CAPN14: variants seen among roughly 807,000 people sequenced by gnomAD.
The protein encoded by CAPN14 is calpain-14.
In CAPN14, 94 loss-of-function variants were observed where a neutral mutation model predicts 101.3. That is an observed-to-expected ratio of 0.93 (90% CI 0.79 to 1.10). CAPN14 has a LOEUF of 1.10. CAPN14 is among the 50% of genes least tolerant of loss of function. The probability of loss-of-function intolerance (pLI) is 0.00; values close to 1 mark genes in which losing one functional copy is unlikely to be tolerated. For synonymous variants in CAPN14, 338 were observed against 317.9 expected, an observed-to-expected ratio of 1.06 and a Z score of -0.67; for missense variants, 837 against 828.4, an observed-to-expected ratio of 1.01 and a Z score of -0.13.
rs144783164 is a variant in CAPN14 at position 31,225,613 on chromosome 2, G to C, written c.-53+915C>G. 1.8e-4 allele frequency among the ~76,000 whole-genome samples: 27 copies of C among 152,132 alleles called. 1 individual carries two copies. Among genetic ancestry groups the C allele is most frequent in the Non-Finnish European group, 3.2e-4 (22 of 67,950 alleles). ...CTGAAATAGAGCTTTTATTATTGTT[G>C]ACAATAATTTTGCAAATGACTTATC... is the stretch of plus-strand genomic sequence containing the variant. On this transcript the variant is annotated intron_variant and NMD_transcript_variant, in intron 2 of 21. Transcript: ENST00000398824.
upstream of CAPN14, among the ~76,000 whole-genome samples, chr2:31,218,447 G>C (rs887511437): frequency 6.6e-6 from 1 of 152,004 alleles, no homozygotes; most frequent in Admixed American, 6.5e-5. Flanking sequence ...CTTCCTCCCC[G>C]CCTGCTTCTT....
chr2:31,191,487 C>T, intron 11 of CAPN14, 80 bp from the exon 12 acceptor site: 2 of 1,423,904 alleles, frequency 1.4e-6, no homozygotes, highest in Non-Finnish European at 1.9e-6. Flanking sequence ...CTGGCTCTTT[C>T]ATAAACCGAA....
intron 2 of CAPN14, among the ~76,000 whole-genome samples, chr2:31,204,031 G>A (rs1031596770): frequency 9.9e-5 from 15 of 152,190 alleles, no homozygotes; most frequent in African/African-American, 3.4e-4. Context: ...TGTTTTGGGG[G>A]TAGGAGGTTG....
Position 31,230,212 on chromosome 2 carries a change from T to C in CAPN14, c.-176-3561A>G, listed in dbSNP as rs745811191. ...CTCCACCCTCAACTAGACCCCAGTGTGGTATATATTTTATATGAATGTGGC... is the reference window on the plus strand; with the variant it reads ...CTCCACCCTCAACTAGACCCCAGTGCGGTATATATTTTATATGAATGTGGC... On this transcript the variant is annotated intron_variant and NMD_transcript_variant, in intron 1 of 21. Coordinates refer to the CAPN14 transcript ENST00000398824. The surrounding 1 kb of genome is among the most constrained non-coding windows in gnomAD (Gnocchi z 4.3). Among the ~76,000 whole-genome samples the C allele has an allele frequency of 2.0e-5, 3 of 152,202 alleles. No homozygotes were observed. Among genetic ancestry groups the C allele is most frequent in the African/African-American group, 7.2e-5 (3 of 41,450 alleles).
At chr2:31,199,219 G>A (rs1014448892) in intron 7 of CAPN14, among the ~76,000 whole-genome samples, 1 of 152,212 alleles carries the variant, frequency 6.6e-6, no homozygotes, top group Non-Finnish European at 1.5e-5. Flanking sequence ...GAAGGGTTGT[G>A]AGGTACAGCA....
At chr2:31,213,364 AAACT>A (rs1237290787) in intron 1 of CAPN14, among the ~76,000 whole-genome samples, 1 of 152,236 alleles carries the variant, frequency 6.6e-6, no homozygotes. Context: ...AGTTTTACTG[AAACT>A]ACAGCCACAC....
chr2:31,203,020 C>T (rs1244270968), intron 3 of CAPN14, 50 bp downstream of exon 3: 1 of 1,478,522 alleles, frequency 6.8e-7, no homozygotes, highest in East Asian at 2.5e-5. Flanking sequence ...TTGGCCAGGC[C>T]TGGTCAGCAG....
chr2:31,189,451 G>GGGGC lies in CAPN14; in HGVS notation c.1311_1314dup (p.Pro439AlafsTer3). ...GGAGTGTTTCTCTGGAAGAACTCAG[G>GGGGC]GGGCAGTCTCCTCTGGTCATCATGG... On this transcript the variant is annotated frameshift_variant, in exon 13 of 22. Coordinates refer to ENST00000403897, the MANE Select transcript of CAPN14 (RefSeq NM_001145122.2). LOFTEE classifies it high-confidence loss of function. 1.9e-6 allele frequency: 3 copies of GGGGC among 1,551,600 alleles called. No homozygotes were observed. Among genetic ancestry groups the GGGGC allele is most frequent in the Non-Finnish European group, 2.6e-6 (3 of 1,146,966 alleles).
intron 7 of CAPN14, among the ~76,000 whole-genome samples, chr2:31,198,070 C>A (rs1334467737): frequency 6.6e-6 from 1 of 152,218 alleles, no homozygotes; most frequent in Non-Finnish European, 1.5e-5. Context: ...CCCAAAATCA[C>A]TAATCTAAAG....
chr2:31,184,819 C>T (rs1680827481), intron 16 of CAPN14, among the ~76,000 whole-genome samples: 1 of 152,206 alleles, frequency 6.6e-6, no homozygotes, highest in Non-Finnish European at 1.5e-5. Context: ...CATCTAAATG[C>T]TCCCATTAAA....
chr2:31,198,666 T>C (rs1304835536), intron 7 of CAPN14, among the ~76,000 whole-genome samples: 1 of 152,204 alleles, frequency 6.6e-6, no homozygotes, highest in African/African-American at 2.4e-5. Context: ...AAGTGTGAAT[T>C]GAGTCCAAGA....
intron 10 of CAPN14, 70 bp downstream of exon 10, chr2:31,193,061 C>A (rs1681277686): frequency 1.4e-6 from 2 of 1,422,686 alleles, no homozygotes; most frequent in South Asian, 1.3e-5. Context: ...CTGCAACCCC[C>A]TGTGCAGTCA....
At position 31,217,463 on chromosome 2, in the gene CAPN14, G is replaced by A. The variant is rs4952068; in HGVS notation, c.-60C>T. ...GGAACTAAAGAAATTTACCTGCACA[G>A]GAGATTTTGCTTCTTTAAGCGCCTG... On this transcript the variant is annotated 5_prime_UTR_variant, in exon 1 of 22. Transcript: ENST00000403897. 0.42 allele frequency: 63,361 copies of A among 152,020 alleles called. 14,296 individuals are homozygous for A. Among genetic ancestry groups the A allele is most frequent in the East Asian group, 0.59 (3,051 of 5,154 alleles). 9.4% of individuals were successfully genotyped at this position (152,020 alleles called of 1,614,324 possible).
At chr2:31,187,619 T>C in intron 15 of CAPN14, 139 bp downstream of exon 15, 1 of 663,704 alleles carries the variant, frequency 1.5e-6, no homozygotes, top group East Asian at 2.7e-5. Flanking sequence ...TAATAGAAAG[T>C]GGCAGTTTGG....
chr2:31,232,809 C>T (rs1034887011), intron 1 of CAPN14, among the ~76,000 whole-genome samples: 6 of 152,164 alleles, frequency 3.9e-5, no homozygotes, highest in African/African-American at 1.4e-4. Flanking sequence ...ACCATATCAA[C>T]CCCCAACCTC....
In CAPN14 at chr2:31,201,853, G is replaced by C; in HGVS notation, c.551+9C>G. On this transcript the variant is annotated intron_variant, in intron 5 of 21. Coordinates refer to ENST00000403897, the MANE Select transcript of CAPN14 (RefSeq NM_001145122.2). ...GATGGGAAGGGGGATATTTCTGCCGGTTTCTTACTTGGCATAGGCCTTTTC... is the reference window on the plus strand; with the variant it reads ...GATGGGAAGGGGGATATTTCTGCCGCTTTCTTACTTGGCATAGGCCTTTTC... 6.5e-7 allele frequency: 1 copy of C among 1,549,818 alleles called. No homozygotes were observed. Among genetic ancestry groups the C allele is most frequent in the East Asian group, 2.4e-5 (1 of 40,836 alleles).
At chr2:31,233,757 C>CA (rs34898701) in intron 1 of CAPN14, 3,356 of 142,164 alleles carry the variant, frequency 0.024, 47 homozygotes, top group Non-Finnish European at 0.027. Flanking sequence ...CTTTCTATGC[C>CA]AAAAAAAAAA....
At chr2:31,197,734 A>C (rs1035265393) in intron 7 of CAPN14, among the ~76,000 whole-genome samples, 1 of 152,182 alleles carries the variant, frequency 6.6e-6, no homozygotes, top group African/African-American at 2.4e-5. Context: ...CCTAAATCCA[A>C]AGACAAGTGT....
intron 21 of CAPN14, among the ~76,000 whole-genome samples, chr2:31,176,224 C>G (rs7609082): frequency 0.34 from 51,483 of 151,878 alleles, 10,298 homozygotes; most frequent in African/African-American, 0.55. Flanking sequence ...AAACCCTCAG[C>G]CAACCCACAG....
Sources: gnomAD v4.1 joint callset for allele counts (sites outside exome capture counted in the v4.1 genomes callset) on GRCh38, gnomAD v4.1.1 for gene constraint, Gnocchi (gnomAD v3.1) non-coding constraint, MANE v1.5 for transcripts, NCBI Gene and HGNC (gene_info 2026-07-23, HGNC 2026-07-21) for gene names.